The following C1QTNF3 variants were observed in gnomAD, a reference collection of about 807,000 sequenced individuals.
The protein encoded by C1QTNF3 is complement C1q tumor necrosis factor-related protein 3.
In C1QTNF3, 26 loss-of-function variants were observed where a neutral mutation model predicts 32.6. The observed-to-expected ratio is 0.80, with a 90% confidence interval of 0.58 to 1.11. The LOEUF is 1.11. C1QTNF3 is among the 50% of genes least tolerant of loss of function. The pLI is 0.00. For synonymous variants in C1QTNF3, 155 were observed against 146.0 expected, an observed-to-expected ratio of 1.06 and a Z score of -0.44; for missense variants, 362 against 398.2, an observed-to-expected ratio of 0.91 and a Z score of 0.77.
At chr5:34,070,904 T>C in the C1QTNF3 span, among the ~76,000 whole-genome samples, 1 of 152,166 alleles carries the variant, frequency 6.6e-6, no homozygotes, top group Non-Finnish European at 1.5e-5. Context: ...GACTGTCAGA[T>C]GGTGTTGTGC....
At chr5:34,056,276 A>G in the C1QTNF3 span, among the ~76,000 whole-genome samples, 3 of 151,678 alleles carry the variant, frequency 2.0e-5, no homozygotes, top group Non-Finnish European at 4.4e-5. Context: ...GCAATCCTGG[A>G]TGTTCATCAT....
At chr5:34,167,549 C>T in the C1QTNF3 span, 2 of 152,160 alleles carry the variant, frequency 1.3e-5, no homozygotes, top group South Asian at 2.1e-4. Context: ...CCATTGTTCC[C>T]GTCATGCAGA....
the C1QTNF3 span, among the ~76,000 whole-genome samples, chr5:34,107,486 T>A: frequency 6.6e-6 from 1 of 151,994 alleles, no homozygotes; most frequent in Non-Finnish European, 1.5e-5. Context: ...CATCAACAAC[T>A]AACATTTTTA....
At chr5:34,197,689 C>T in the C1QTNF3 span, among the ~76,000 whole-genome samples, 16 of 152,080 alleles carry the variant, frequency 1.1e-4, no homozygotes, top group Admixed American at 9.8e-4. Context: ...AGGCAGCATC[C>T]CCCGAAGCCT....
At chr5:34,232,805 G>A in the C1QTNF3 span, among the ~76,000 whole-genome samples, 7 of 152,022 alleles carry the variant, frequency 4.6e-5, no homozygotes, top group African/African-American at 1.5e-4. Flanking sequence ...TCACTACTAC[G>A]GTTAGCAATC....
chr5:34,041,631 A>G (rs1462091569), intron 1 of C1QTNF3, among the ~76,000 whole-genome samples: 1 of 152,224 alleles, frequency 6.6e-6, no homozygotes, highest in Non-Finnish European at 1.5e-5. Context: ...GACAATCTCT[A>G]AAAGTGGTTT....
At chr5:34,175,903 G>C in the C1QTNF3 span, 4 of 814,646 alleles carry the variant, frequency 4.9e-6, no homozygotes, top group South Asian at 5.4e-5. Flanking sequence ...AGACCCAGAT[G>C]GTACTGCTCT....
At chr5:34,129,306 T>TTA in the C1QTNF3 span, among the ~76,000 whole-genome samples, 1 of 152,134 alleles carries the variant, frequency 6.6e-6, no homozygotes, top group Admixed American at 6.6e-5. Flanking sequence ...TACAAAGACA[T>TTA]TATGCTAAGT....
intron 4 of C1QTNF3, among the ~76,000 whole-genome samples, chr5:34,027,174 A>T (rs1754482994): frequency 6.6e-6 from 1 of 152,246 alleles, no homozygotes. Flanking sequence ...CAAAGTAAAA[A>T]GTTTGTAAAG....
the C1QTNF3 span, among the ~76,000 whole-genome samples, chr5:34,102,862 T>C: frequency 6.6e-6 from 1 of 152,224 alleles, no homozygotes; most frequent in Non-Finnish European, 1.5e-5. Context: ...GGGATAGCAT[T>C]AGGAGATACA....
At chr5:34,221,302 A>G in the C1QTNF3 span, among the ~76,000 whole-genome samples, 30 of 152,078 alleles carry the variant, frequency 2.0e-4, no homozygotes, top group African/African-American at 7.2e-4. Context: ...TGGTTTGTGA[A>G]CCAAATCTGT....
the C1QTNF3 span, chr5:34,124,519 C>A: frequency 1.4e-6 from 1 of 706,368 alleles, no homozygotes; most frequent in Non-Finnish European, 2.6e-6. Context: ...TGGGAGGAGG[C>A]ACTACTCACC....
At chr5:34,098,497 C>T in the C1QTNF3 span, among the ~76,000 whole-genome samples, 2 of 152,084 alleles carry the variant, frequency 1.3e-5, no homozygotes, top group African/African-American at 4.8e-5. Flanking sequence ...TTTATGTCAC[C>T]AGGTTCTAAA....
intron 5 of C1QTNF3, among the ~76,000 whole-genome samples, chr5:34,021,493 C>T (rs940207943): frequency 6.6e-6 from 1 of 152,146 alleles, no homozygotes; most frequent in Non-Finnish European, 1.5e-5. Context: ...TAGGGCCTAA[C>T]AAGGTTAAAA....
the C1QTNF3 span, among the ~76,000 whole-genome samples, chr5:34,177,998 G>A: frequency 2.1e-4 from 32 of 151,684 alleles, no homozygotes; most frequent in African/African-American, 7.3e-4. Context: ...TGGGCATGGT[G>A]GCTCATGCCT....
At chr5:34,120,367 A>AT in the C1QTNF3 span, among the ~76,000 whole-genome samples, 94 of 148,520 alleles carry the variant, frequency 6.3e-4, no homozygotes, top group South Asian at 0.012. Context: ...CATAAATCAC[A>AT]TTTTTTTTTT....
chr5:34,023,783 G>C, intron 5 of C1QTNF3, 126 bp downstream of exon 5: 1 of 616,056 alleles, frequency 1.6e-6, no homozygotes, highest in South Asian at 2.1e-5. Flanking sequence ...TGGTGCATGA[G>C]GGCTCTTATT....
chr5:34,048,261 A>AGTGTGT, the C1QTNF3 span, among the ~76,000 whole-genome samples: 1 of 136,626 alleles, frequency 7.3e-6, no homozygotes, highest in African/African-American at 3.2e-5. Context: ...TAAGCATGGT[A>AGTGTGT]GTGTGTGTGT....
the C1QTNF3 span, among the ~76,000 whole-genome samples, chr5:34,231,443 G>A: frequency 6.6e-6 from 1 of 152,194 alleles, no homozygotes; most frequent in Non-Finnish European, 1.5e-5. Flanking sequence ...ATACACAGCT[G>A]TGTTTTGTTA....
Sources: allele counts gnomAD v4.1 joint callset (sites outside exome capture counted in the v4.1 genomes callset), GRCh38; gene constraint gnomAD v4.1.1; transcripts MANE v1.5; gene names NCBI Gene and HGNC (gene_info 2026-07-23, HGNC 2026-07-21).